Variants in DHX29 observed in about 807,000 individuals in gnomAD.
The protein encoded by DHX29 is DExH-box helicase 29, also known as ATP-dependent RNA helicase DHX29.
Under a neutral mutation model 167.9 loss-of-function variants are expected in DHX29, and 79 were observed. The ratio of observed to expected loss-of-function variants is 0.47; its 90% CI spans 0.39 to 0.57. The LOEUF (loss-of-function observed/expected upper bound fraction) is 0.57, where lower values mean the gene tolerates loss of function less well. DHX29 is among the 20% of genes least tolerant of loss of function. The pLI is 0.00. For missense variants in DHX29, 1,347 were observed against 1,593.4 expected (o/e 0.85, Z 2.63); for synonymous variants, 530 against 546.0 (o/e 0.97, Z 0.41).
At chr5:55,300,324 G>A (rs1050405594) in intron 1 of DHX29, among the ~76,000 whole-genome samples, 6 of 151,810 alleles carry the variant, frequency 4.0e-5, no homozygotes, top group Admixed American at 6.6e-5. Context: ...ACAGTGAGCT[G>A]TGACTGCAAC....
chr5:55,269,380 A>ACTTTAAATAT (rs1746738736), intron 21 of DHX29, 33 bp downstream of exon 21: 1 of 1,594,194 alleles, frequency 6.3e-7, no homozygotes, highest in African/African-American at 1.3e-5. Context: ...AAGGATATTT[A>ACTTTAAATAT]AAGTAAAGAA....
chr5:55,283,276 C>T lies in DHX29; in HGVS notation c.1892G>A (p.Arg631Gln). ...GGCTAAACTAACTGCTGAGATTCTT[C>T]GGGGTTGGGTACAGACAATGTTACA... ...SKCNIVCTQP[R>Q]RISAVSLANR... Residue 631 changes from arginine to glutamine, a missense_variant, in exon 11 of 27, where the codon CGA (arginine) becomes CAA (glutamine). By Grantham distance (43) the Arg-to-Gln change is conservative. Transcript: ENST00000251636. 1 of 1,613,580 alleles carries T rather than the reference C, an allele frequency of 6.2e-7. No homozygotes were observed. Among genetic ancestry groups the T allele is most frequent in the South Asian group, 1.1e-5 (1 of 91,024 alleles).
intron 25 of DHX29, among the ~76,000 whole-genome samples, 162 bp from the exon 26 acceptor site, chr5:55,260,106 G>A (rs1469737515): frequency 6.6e-6 from 1 of 152,190 alleles, no homozygotes; most frequent in Non-Finnish European, 1.5e-5. Flanking sequence ...AGCTAGGCAT[G>A]CAAACCTGTC....
intron 14 of DHX29, 114 bp downstream of exon 14, chr5:55,276,152 A>G: frequency 1.1e-6 from 1 of 873,862 alleles, no homozygotes; most frequent in East Asian, 2.7e-5. Flanking sequence ...TCTGTTCCTC[A>G]TCTATCAAAT....
In DHX29 at chr5:55,270,451, G is replaced by A; in HGVS notation, c.3030C>T (p.Ile1010=). 1 of 1,612,760 alleles carries A rather than the reference G, an allele frequency of 6.2e-7. No homozygotes were observed. The change falls in exon 20 of 27, where the codon ATC becomes ATT. Residue 1010 remains isoleucine, a synonymous_variant. Coordinates refer to ENST00000251636, the MANE Select transcript of DHX29 (RefSeq NM_019030.4). ...ATAATTCCTCCAAAGGTACACGTAA[G>A]ATTTCAGGAACAGAATAATCCATAA... ...EGFMDYSVPE[I]LRVPLEELCL...
At chr5:55,283,989 ATTC>A (rs1388633735) in intron 10 of DHX29, among the ~76,000 whole-genome samples, 178 bp from the exon 11 acceptor site, 7 of 152,292 alleles carry the variant, frequency 4.6e-5, no homozygotes, top group African/African-American at 1.7e-4. Flanking sequence ...TGATAGCTAT[ATTC>A]ATCTTAAAAT....
rs1275893608 is a variant in DHX29 at position 55,270,504 on chromosome 5, T to C, written c.2994-17A>G. 4.3e-6 allele frequency: 7 copies of C among 1,613,052 alleles called. No homozygotes were observed. Among genetic ancestry groups the C allele is most frequent in the Non-Finnish European group, 5.9e-6 (7 of 1,179,754 alleles). ...CCTTCAAATCTGAAAAATAAAGTAATACTAAATACATATTATCAGAAATGT... is the reference window on the plus strand; with the variant it reads ...CCTTCAAATCTGAAAAATAAAGTAACACTAAATACATATTATCAGAAATGT... On this transcript the variant is annotated splice_polypyrimidine_tract_variant and intron_variant, in intron 19 of 26. Transcript: ENST00000251636.
At chr5:55,298,753 G>A (rs149824422) in intron 1 of DHX29, 89 bp from the exon 2 acceptor site, 30 of 641,256 alleles carry the variant, frequency 4.7e-5, no homozygotes, top group East Asian at 1.6e-4. Context: ...ATATTAGGCC[G>A]GGCGCGGTGG....
intron 16 of DHX29, 31 bp downstream of exon 16, chr5:55,274,583 T>G: frequency 6.8e-7 from 1 of 1,467,176 alleles, no homozygotes; most frequent in Non-Finnish European, 9.3e-7. Flanking sequence ...ATTTTAAAAC[T>G]ACCAGGAATA....
chr5:55,267,270 C>A, intron 22 of DHX29, 39 bp from the exon 23 acceptor site: 1 of 1,481,312 alleles, frequency 6.8e-7, no homozygotes, highest in Non-Finnish European at 9.4e-7. Context: ...TAAAGTTCAC[C>A]ATGTTCTCTT....
chr5:55,263,614 A>G (rs1207159025), intron 23 of DHX29, among the ~76,000 whole-genome samples: 2 of 151,876 alleles, frequency 1.3e-5, no homozygotes, highest in African/African-American at 4.8e-5. Context: ...CTGCCATAAC[A>G]CCACAGGGTT....
chr5:55,257,349 CAA>C (rs1746102520), intron 26 of DHX29, among the ~76,000 whole-genome samples: 1 of 152,100 alleles, frequency 6.6e-6, no homozygotes, highest in Non-Finnish European at 1.5e-5. Context: ...GAAACAACAA[CAA>C]AAAAGTGGGA....
intron 26 of DHX29, among the ~76,000 whole-genome samples, chr5:55,256,945 G>C: frequency 6.6e-6 from 1 of 152,188 alleles, no homozygotes; most frequent in East Asian, 1.9e-4. Flanking sequence ...GTGTTCTTCA[G>C]AGTATGGCAG....
chr5:55,270,968 T>G (rs1268881175), intron 18 of DHX29, among the ~76,000 whole-genome samples: 1 of 152,272 alleles, frequency 6.6e-6, no homozygotes, highest in African/African-American at 2.4e-5. Flanking sequence ...AGAATCTTTT[T>G]TAAATTTAGT....
At chr5:55,286,170 C>T (rs1236740698) in intron 8 of DHX29, among the ~76,000 whole-genome samples, 1 of 151,416 alleles carries the variant, frequency 6.6e-6, no homozygotes, top group Admixed American at 6.6e-5. Context: ...AGGAGAATGA[C>T]GTGAACCTGG....
intron 23 of DHX29, among the ~76,000 whole-genome samples, chr5:55,264,278 C>G (rs972874800): frequency 2.0e-5 from 3 of 152,212 alleles, no homozygotes; most frequent in Admixed American, 1.3e-4. Context: ...TCTACTCTCT[C>G]TCTTCCCAGA....
At chr5:55,284,208 T>G (rs768154070) in intron 10 of DHX29, among the ~76,000 whole-genome samples, 2 of 152,194 alleles carry the variant, frequency 1.3e-5, no homozygotes, top group Non-Finnish European at 2.9e-5. Context: ...GGTTAAGATA[T>G]GTGAGGTGCT....
intron 1 of DHX29, among the ~76,000 whole-genome samples, chr5:55,300,184 C>T (rs1464339661): frequency 6.6e-6 from 1 of 150,540 alleles, no homozygotes; most frequent in Non-Finnish European, 1.5e-5. Flanking sequence ...GCAGTCTGGG[C>T]AATATAGTGA....
chr5:55,283,760 T>G lies in DHX29; in HGVS notation c.1408A>C (p.Ser470Arg). Residue 470 changes from serine to arginine, a missense_variant, in exon 11 of 27, where the codon AGT becomes CGT. This residue lies in a region of DHX29 where 882 missense variants were observed against 1,082.4 expected (regional missense o/e 0.81). Coordinates refer to ENST00000251636, the MANE Select transcript of DHX29 (RefSeq NM_019030.4). Reference sequence around the variant, plus strand: ...TCTTCCCTTTTCTTTTCTGCATCACTCCACTCCAGCCAAACATCTCGGTAA... The same window carrying G: ...TCTTCCCTTTTCTTTTCTGCATCACGCCACTCCAGCCAAACATCTCGGTAA... The part of the protein sequence containing the change: ...PTYRDVWLEW[S>R]DAEKKREELN... 1 of 1,611,802 alleles carries G rather than the reference T, an allele frequency of 6.2e-7. No individual in the cohort carries two copies. The highest frequency in any genetic ancestry group is 8.5e-7 in the Non-Finnish European group (1 of 1,179,248).
Sources: allele counts gnomAD v4.1 joint callset (sites outside exome capture counted in the v4.1 genomes callset), GRCh38; gene constraint gnomAD v4.1.1; regional missense constraint gnomAD v4.1.1; transcripts MANE v1.5; gene names NCBI Gene and HGNC (gene_info 2026-07-23, HGNC 2026-07-21).